Variants in CLEC5A observed in about 807,000 individuals in gnomAD.
The protein encoded by CLEC5A is C-type lectin domain containing 5A.
In CLEC5A, 15 loss-of-function variants were observed where a neutral mutation model predicts 24.4. The ratio of observed to expected loss-of-function variants is 0.62; its 90% CI spans 0.41 to 0.95. The LOEUF (loss-of-function observed/expected upper bound fraction) is 0.95, where lower values mean the gene tolerates loss of function less well. Ranked by LOEUF, CLEC5A falls within the 40% of genes least tolerant of loss-of-function variation. The probability of loss-of-function intolerance (pLI) is 0.00; values close to 1 mark genes in which losing one functional copy is unlikely to be tolerated. For synonymous variants in CLEC5A, 71 were observed against 72.6 expected (o/e 0.98, Z 0.11); for missense variants, 211 against 224.0 (o/e 0.94, Z 0.37).
intron 5 of CLEC5A, 152 bp from the exon 6 acceptor site, chr7:141,931,978 G>T (rs782720629): frequency 1.2e-5 from 6 of 481,650 alleles, no homozygotes; most frequent in Non-Finnish European, 2.2e-5. Context: ...TAACCCTAAA[G>T]AAGTCATTGT....
chr7:141,939,301 ATTAG>A (rs1802716041), intron 4 of CLEC5A, among the ~76,000 whole-genome samples: 1 of 152,180 alleles, frequency 6.6e-6, no homozygotes, highest in Non-Finnish European at 1.5e-5. Context: ...TAGAGTTTTT[ATTAG>A]TTTTCTTTTT....
At chr7:141,935,496 A>G (rs1269084511) in intron 5 of CLEC5A, among the ~76,000 whole-genome samples, 1 of 152,180 alleles carries the variant, frequency 6.6e-6, no homozygotes, top group South Asian at 2.1e-4. Context: ...TTTTATACAC[A>G]TCATCTCATT....
chr7:141,946,103 A>G, intron 2 of CLEC5A, 111 bp downstream of exon 2: 1 of 1,193,990 alleles, frequency 8.4e-7, no homozygotes, highest in Non-Finnish European at 1.2e-6. Context: ...AGTTAGTCTC[A>G]GGTGGAAAGA....
chr7:141,943,005 A>G lies in CLEC5A; in HGVS notation c.208+891T>C, dbSNP rs140692252. 4.1e-4 allele frequency among the ~76,000 whole-genome samples: 62 copies of G among 152,254 alleles called. 1 individual carries two copies. Among genetic ancestry groups the G allele is most frequent in the African/African-American group, 1.4e-3 (60 of 41,566 alleles). Reference sequence around the variant, plus strand: ...AATGTAAACTAGTACAGCTATGGAGAAGAGTTTGGAAGTTCCTCAAAAAAC... The same window carrying G: ...AATGTAAACTAGTACAGCTATGGAGGAGAGTTTGGAAGTTCCTCAAAAAAC... On this transcript the variant is annotated intron_variant, in intron 4 of 6. Transcript: ENST00000546910.
intron 4 of CLEC5A, among the ~76,000 whole-genome samples, chr7:141,940,234 A>G (rs1802745322): frequency 6.6e-6 from 1 of 152,144 alleles, no homozygotes; most frequent in South Asian, 2.1e-4. Context: ...AATATTAAAC[A>G]TCTTCTCTGA....
chr7:141,944,010 CACAGAA>C, intron 3 of CLEC5A, 46 bp from the exon 4 acceptor site: 1 of 1,145,272 alleles, frequency 8.7e-7, no homozygotes, highest in Non-Finnish European at 1.3e-6. Context: ...ATGAATACAA[CACAGAA>C]ACAGAAACAT....
chr7:141,938,293 C>A (rs527554916), intron 4 of CLEC5A, among the ~76,000 whole-genome samples: 1 of 152,108 alleles, frequency 6.6e-6, no homozygotes, highest in East Asian at 1.9e-4. Context: ...AAAAGAAATT[C>A]AGAATTCTAT....
In CLEC5A at chr7:141,930,296, C is replaced by T; in HGVS notation, c.453-78G>A. ...GTGATGGCCCATCATTTTAGCCCAGCCTCTTCCTGATTCCAGAGTGAGAGT... is the reference window on the plus strand; with the variant it reads ...GTGATGGCCCATCATTTTAGCCCAGTCTCTTCCTGATTCCAGAGTGAGAGT... On this transcript the variant is annotated intron_variant, in intron 6 of 6. Coordinates refer to ENST00000546910, the MANE Select transcript of CLEC5A (RefSeq NM_013252.3). 3.7e-6 allele frequency: 4 copies of T among 1,086,796 alleles called. No homozygotes were observed. In the South Asian group the frequency reaches 4.1e-5, roughly 11 times the overall value. The allele number at this position is 1,086,796 out of a possible 1,614,324, so 67.3% of individuals were successfully genotyped here. A position where few individuals can be genotyped will look rare whatever the true frequency, so the allele number is the denominator to read the frequency against.
intron 2 of CLEC5A, 120 bp downstream of exon 2, chr7:141,946,094 G>T: frequency 1.8e-6 from 2 of 1,090,170 alleles, no homozygotes; most frequent in South Asian, 1.6e-5. Flanking sequence ...GGTTGGGTCA[G>T]TTAGTCTCAG....
At chr7:141,936,959 A>G (rs1802651113) in intron 4 of CLEC5A, among the ~76,000 whole-genome samples, 1 of 152,044 alleles carries the variant, frequency 6.6e-6, no homozygotes, top group Non-Finnish European at 1.5e-5. Flanking sequence ...ACCCTGGGCC[A>G]AAAGTGAATC....
rs1272986062 is a variant in CLEC5A, at chr7:141,928,148, G to C, written c.*1956C>G. 6.6e-6 allele frequency: 1 copy of C among 151,788 alleles called. No homozygotes were observed. The highest frequency in any genetic ancestry group is 1.5e-5 in the Non-Finnish European group (1 of 67,952). 9.4% of individuals were successfully genotyped at this position (151,788 alleles called of 1,614,324 possible). On this transcript the variant is annotated 3_prime_UTR_variant, in exon 7 of 7. Coordinates refer to ENST00000546910, the MANE Select transcript of CLEC5A (RefSeq NM_013252.3). ...AGGATCCAGGAACTCTTCCAATGATGAACTTAAACCAAATCCCACATATTC... is the reference window on the plus strand; with the variant it reads ...AGGATCCAGGAACTCTTCCAATGATCAACTTAAACCAAATCCCACATATTC...
intron 4 of CLEC5A, among the ~76,000 whole-genome samples, 189 bp downstream of exon 4, chr7:141,943,707 C>G (rs925476019): frequency 3.9e-5 from 6 of 151,926 alleles, no homozygotes; most frequent in Middle Eastern, 3.4e-3. Flanking sequence ...ATATATATAC[C>G]TACTATGTAC....
rs200671493 is a variant in CLEC5A at position 141,943,863 on chromosome 7, G to C, written c.208+33C>G. ...AGAATTCAGTGCATGAGAACCTAGGGGATGGGGAGTAGGTTGTAATCATGC... is the reference window on the plus strand; with the variant it reads ...AGAATTCAGTGCATGAGAACCTAGGCGATGGGGAGTAGGTTGTAATCATGC... On this transcript the variant is annotated intron_variant, in intron 4 of 6. Transcript: ENST00000546910. 168 of 1,362,884 alleles carry C rather than the reference G, an allele frequency of 1.2e-4. No individual in the cohort carries two copies. The Admixed American group carries it at 2.0e-3, about 17-fold the overall frequency. The allele number at this position is 1,362,884 out of a possible 1,614,324, so 84.4% of individuals were successfully genotyped here.
intron 5 of CLEC5A, among the ~76,000 whole-genome samples, chr7:141,934,384 C>A (rs1244332380): frequency 6.6e-6 from 1 of 152,100 alleles, no homozygotes; most frequent in Non-Finnish European, 1.5e-5. Flanking sequence ...AACTCTTAAG[C>A]CTTCAATCTT....
chr7:141,930,186 G>T lies in CLEC5A; in HGVS notation c.485C>A (p.Ala162Glu), dbSNP rs199839387. 12 of 1,613,794 alleles carry T rather than the reference G, an allele frequency of 7.4e-6. No homozygotes were observed. The Admixed American group carries it at 1.8e-4, about 25-fold the overall frequency. Residue 162 changes from alanine to glutamate, a missense_variant, in exon 7 of 7, where the codon GCG (alanine) becomes GAG (glutamate). Coordinates refer to ENST00000546910, the MANE Select transcript of CLEC5A (RefSeq NM_013252.3). ...AAATGTCTTTGTTAGGCCAATGGTCGCACAGTTGAAATTCTGATTCTGATT... is the reference window on the plus strand; with the variant it reads ...AAATGTCTTTGTTAGGCCAATGGTCTCACAGTTGAAATTCTGATTCTGATT... ...VTNQNQNFNC[A>E]TIGLTKTFDA... is the part of the protein sequence containing the mutation.
At chr7:141,936,008 A>G (rs576292522) in intron 4 of CLEC5A, 58 bp from the exon 5 acceptor site, 187 of 1,409,144 alleles carry the variant, frequency 1.3e-4, no homozygotes, top group Non-Finnish European at 1.8e-4. Flanking sequence ...TGAATCCTGC[A>G]ACTAAGTCAT....
chr7:141,940,506 T>A (rs893309204), intron 4 of CLEC5A, among the ~76,000 whole-genome samples: 1 of 151,160 alleles, frequency 6.6e-6, no homozygotes, highest in African/African-American at 2.4e-5. Context: ...AAAAACCTGA[T>A]GACAAATCTT....
Position 141,930,066 on chromosome 7 carries a change from A to C in CLEC5A, c.*38T>G. The C allele has an allele frequency of 3.3e-6, 5 of 1,504,742 alleles. No homozygotes were observed. The highest frequency in any genetic ancestry group is 4.6e-6 in the Non-Finnish European group (5 of 1,083,196). 93.2% of individuals were successfully genotyped at this position (1,504,742 alleles called of 1,614,324 possible). A position where few individuals can be genotyped will look rare whatever the true frequency, so the allele number is the denominator to read the frequency against. On this transcript the variant is annotated 3_prime_UTR_variant, in exon 7 of 7. Coordinates refer to ENST00000546910, the MANE Select transcript of CLEC5A (RefSeq NM_013252.3). ...CCAGACGACCTGTATGGATTCAAAA[A>C]GAGTTGCAAGTATAGTTCTTGTCAC...
chr7:141,946,137 C>T, intron 2 of CLEC5A, 77 bp downstream of exon 2: 2 of 1,469,710 alleles, frequency 1.4e-6, no homozygotes, highest in Non-Finnish European at 1.9e-6. Flanking sequence ...CCTTTACACA[C>T]AACCATGCAT....
Sources: gnomAD v4.1 joint callset for allele counts (sites outside exome capture counted in the v4.1 genomes callset) on GRCh38, gnomAD v4.1.1 for gene constraint, MANE v1.5 for transcripts, NCBI Gene and HGNC (gene_info 2026-07-23, HGNC 2026-07-21) for gene names.